LINGO2: variants seen among roughly 807,000 people sequenced by gnomAD.
The protein encoded by LINGO2 is leucine-rich repeat and immunoglobulin-like domain-containing nogo receptor-interacting protein 2.
A neutral mutation model predicts 30.6 loss-of-function variants in LINGO2; 14 were observed. The observed-to-expected ratio is 0.46, with a 90% CI of 0.30 to 0.72. The LOEUF is 0.72. Ranked by LOEUF, LINGO2 falls within the 30% of genes least tolerant of loss-of-function variation. LINGO2 has a pLI of 0.07. For synonymous variants in LINGO2, 317 were observed against 288.5 expected (o/e 1.10, Z -1.00); for missense variants, 729 against 751.7 (o/e 0.97, Z 0.35).
rs1344448724 is a variant in LINGO2, at chr9:28,387,024, A to C, written c.-278-14156T>G. Among the ~76,000 whole-genome samples the C allele has an allele frequency of 2.0e-5, 3 of 152,194 alleles. 1 individual carries two copies. The highest frequency in any genetic ancestry group is 2.0e-4 in the Admixed American group (3 of 15,280). ...ACCCAATTTAACTAATATAGCATTG[A>C]GAGGTGAAGCCAGCTGGACTTCCTG... On this transcript the variant is annotated intron_variant, in intron 2 of 5. Coordinates refer to ENST00000379992, the Ensembl canonical transcript of LINGO2.
chr9:28,503,682 T>C (rs1401371588), intron 1 of LINGO2, among the ~76,000 whole-genome samples: 2 of 152,058 alleles, frequency 1.3e-5, no homozygotes, highest in Non-Finnish European at 2.9e-5. Context: ...TTAGACATTA[T>C]TCTTTGAAAA....
intron 3 of LINGO2, among the ~76,000 whole-genome samples, chr9:28,296,362 GA>G (rs2134188749): frequency 6.6e-6 from 1 of 152,220 alleles, no homozygotes; most frequent in Admixed American, 6.5e-5. Flanking sequence ...TACATATACA[GA>G]AGCAAATTTA....
intron 4 of LINGO2, among the ~76,000 whole-genome samples, chr9:28,037,277 T>C (rs1485122961): frequency 6.6e-6 from 1 of 152,240 alleles, no homozygotes; most frequent in Non-Finnish European, 1.5e-5. Flanking sequence ...ATCTATCATC[T>C]TACCAGGGCG....
At chr9:28,672,990 A>G (rs1238803641), upstream of LINGO2, among the ~76,000 whole-genome samples, 4 of 152,184 alleles carry the variant, frequency 2.6e-5, no homozygotes, top group Non-Finnish European at 5.9e-5. Flanking sequence ...AAACAGTATT[A>G]AAAGGAGACT....
intron 3 of LINGO2, among the ~76,000 whole-genome samples, chr9:28,312,629 A>G (rs902095197): frequency 1.3e-5 from 2 of 152,166 alleles, no homozygotes; most frequent in African/African-American, 4.8e-5. Context: ...TTGGGTTCAA[A>G]TAAGTCTTTA....
chr9:28,557,697 T>G (rs867679195), intron 1 of LINGO2, among the ~76,000 whole-genome samples: 2 of 151,110 alleles, frequency 1.3e-5, no homozygotes, highest in Non-Finnish European at 1.5e-5. Context: ...CACATGCACA[T>G]GTATGTTTAT....
chr9:28,137,200 C>CAG (rs775790095), intron 4 of LINGO2, among the ~76,000 whole-genome samples: 1 of 91,406 alleles, frequency 1.1e-5, no homozygotes, highest in Admixed American at 9.5e-5. Context: ...AAATCCCTGA[C>CAG]ACACACACAC....
At chr9:28,780,290 T>C in the LINGO2 span, among the ~76,000 whole-genome samples, 2 of 152,186 alleles carry the variant, frequency 1.3e-5, no homozygotes, top group African/African-American at 2.4e-5. Flanking sequence ...ACACTTTAAG[T>C]TCAATATTTG....
At chr9:28,534,055 A>G (rs1821336032) in intron 1 of LINGO2, among the ~76,000 whole-genome samples, 2 of 152,188 alleles carry the variant, frequency 1.3e-5, no homozygotes, top group South Asian at 2.1e-4. Flanking sequence ...AAGTGAAAAT[A>G]TGTTTAGCAA....
the LINGO2 span, among the ~76,000 whole-genome samples, chr9:29,047,185 A>G: frequency 3.3e-5 from 5 of 152,130 alleles, no homozygotes; most frequent in African/African-American, 1.2e-4. Flanking sequence ...TCCAACATCT[A>G]TAAGGTACTT....
At chr9:29,038,600 T>C in the LINGO2 span, among the ~76,000 whole-genome samples, 2 of 148,892 alleles carry the variant, frequency 1.3e-5, no homozygotes, top group Admixed American at 6.8e-5. Flanking sequence ...CAGCAGAACA[T>C]TAGAAATGAT....
chr9:29,179,068 T>C, the LINGO2 span, among the ~76,000 whole-genome samples: 1 of 149,632 alleles, frequency 6.7e-6, no homozygotes, highest in Non-Finnish European at 1.5e-5. Context: ...TAGGCAAAAA[T>C]TAAACCACTT....
chr9:28,143,301 T>C (rs1827726246), intron 4 of LINGO2, among the ~76,000 whole-genome samples: 1 of 152,146 alleles, frequency 6.6e-6, no homozygotes, highest in Non-Finnish European at 1.5e-5. Context: ...AAAGCACAAA[T>C]GGTAAGTCAA....
intron 4 of LINGO2, among the ~76,000 whole-genome samples, chr9:28,200,883 T>C (rs1444665257): frequency 2.6e-5 from 4 of 152,284 alleles, no homozygotes; most frequent in East Asian, 1.9e-4. Flanking sequence ...TGTATTTAAA[T>C]ACTCAGGTGA....
intron 1 of LINGO2, among the ~76,000 whole-genome samples, chr9:28,602,769 T>C (rs960395226): frequency 4.6e-5 from 7 of 152,080 alleles, no homozygotes; most frequent in African/African-American, 1.7e-4. Context: ...TGTATCTCCA[T>C]ACAGAAGGCT....
chr9:28,855,793 G>T, the LINGO2 span, among the ~76,000 whole-genome samples: 1 of 151,976 alleles, frequency 6.6e-6, no homozygotes, highest in Non-Finnish European at 1.5e-5. Context: ...AATCTATTGA[G>T]TCTCCAGGTC....
intron 4 of LINGO2, among the ~76,000 whole-genome samples, chr9:28,084,492 G>T (rs1825855083): frequency 6.6e-6 from 1 of 151,926 alleles, no homozygotes; most frequent in African/African-American, 2.4e-5. Flanking sequence ...CATATACCTG[G>T]TATACGCCAG....
chr9:29,154,307 G>A, the LINGO2 span, among the ~76,000 whole-genome samples: 1,224 of 151,848 alleles, frequency 8.1e-3, 16 homozygotes, highest in Non-Finnish European at 0.012. Flanking sequence ...AAAATTAGCC[G>A]GGCGTGGTGG....
At chr9:28,258,193 T>C (rs1410355492) in intron 4 of LINGO2, among the ~76,000 whole-genome samples, 2 of 151,848 alleles carry the variant, frequency 1.3e-5, no homozygotes, top group Admixed American at 6.6e-5. Context: ...ACTTCACAAA[T>C]ACAAAGGCTA....
Sources: gnomAD v4.1 joint callset for allele counts (sites outside exome capture counted in the v4.1 genomes callset) on GRCh38, gnomAD v4.1.1 for gene constraint, MANE v1.5 for transcripts, NCBI Gene and HGNC (gene_info 2026-07-23, HGNC 2026-07-21) for gene names.